ETFDH: variants seen among roughly 807,000 people sequenced by gnomAD.
The protein encoded by ETFDH is electron transfer flavoprotein dehydrogenase.
Under a neutral mutation model 73.2 loss-of-function variants are expected in ETFDH, and 61 were observed. The ratio of observed to expected loss-of-function variants is 0.83; its 90% CI spans 0.68 to 1.03. The LOEUF is 1.03. Among genes scored for constraint, ETFDH ranks in the 50% least tolerant of loss-of-function variants. ETFDH has a pLI of 0.00. For synonymous variants in ETFDH, 243 were observed against 253.3 expected (o/e 0.96, Z 0.39); for missense variants, 685 against 745.0 (o/e 0.92, Z 0.94).
intron 12 of ETFDH, among the ~76,000 whole-genome samples, chr4:158,707,187 A>G (rs1365811462): frequency 6.6e-6 from 1 of 152,228 alleles, no homozygotes; most frequent in Non-Finnish European, 1.5e-5. Context: ...ATGTACTAGA[A>G]CAGCACATTA....
rs76559855 is a variant in ETFDH, at chr4:158,707,142, C to A, written c.1690+292C>A. Among the ~76,000 whole-genome samples, 6,581 of 151,738 alleles carry A rather than the reference C, an allele frequency of 0.043. 175 individuals carry two copies. The highest frequency in any genetic ancestry group is 0.076 in the Middle Eastern group (22 of 288). On this transcript the variant is annotated intron_variant, in intron 12 of 12. Coordinates refer to ENST00000511912, the MANE Select transcript of ETFDH (RefSeq NM_004453.4). The stretch of plus-strand genomic sequence containing the variant: ...TTCATGTGACTATTTAAAGTCATTT[C>A]TGTCATGGCAGCTCATCTGTATGTA...
At chr4:158,682,097 A>G in intron 2 of ETFDH, 98 bp from the exon 3 acceptor site, 1 of 1,548,850 alleles carries the variant, frequency 6.5e-7, no homozygotes, top group South Asian at 1.1e-5. Flanking sequence ...AATTTCCATA[A>G]ATAATACTCT....
chr4:158,691,054 T>C (rs1270314338), intron 6 of ETFDH, among the ~76,000 whole-genome samples: 1 of 152,136 alleles, frequency 6.6e-6, no homozygotes, highest in Non-Finnish European at 1.5e-5. Context: ...TAAAAGATAA[T>C]AACATACAAA....
rs1373001793 is a variant in ETFDH at position 158,684,657 on chromosome 4, T to G, written c.471T>G (p.Pro157=). 1 of 1,562,128 alleles carries G rather than the reference T, an allele frequency of 6.4e-7. No homozygotes were observed. The highest frequency in any genetic ancestry group is 8.8e-7 in the Non-Finnish European group (1 of 1,132,674). Reference sequence around the variant, plus strand: ...TTTTAACAGAGAAATACAGAATTCCTGTGCCAATTCTTCCAGGTAAGGTAT... The same window carrying G: ...TTTTAACAGAGAAATACAGAATTCCGGTGCCAATTCTTCCAGGTAAGGTAT... ...FGILTEKYRI[P]VPILPGLPMN... is the part of the protein sequence containing the mutation. The change falls in exon 4 of 13, where the codon CCT becomes CCG. Residue 157 remains proline (P), a synonymous_variant. Transcript: ENST00000511912.
intron 1 of ETFDH, among the ~76,000 whole-genome samples, chr4:158,673,813 A>G (rs540097170): frequency 6.6e-6 from 1 of 152,282 alleles, no homozygotes; most frequent in South Asian, 2.1e-4. Context: ...ATTCATTGCC[A>G]TTTTCGTAGC....
rs1774714608 is a variant in ETFDH, at chr4:158,708,775, C to G, written c.*248C>G. The stretch of plus-strand genomic sequence containing the variant: ...TTCTTCAGAGATTCAGTACCAAGAG[C>G]AAAATTCACTACTGGACTTTACATT... On this transcript the variant is annotated 3_prime_UTR_variant, in exon 13 of 13. Transcript: ENST00000511912. 2.3e-6 allele frequency: 1 copy of G among 435,586 alleles called. No individual in the cohort carries two copies. Among genetic ancestry groups the G allele is most frequent in the South Asian group, 2.6e-5 (1 of 38,834 alleles). The allele number at this position is 435,586 out of a possible 1,614,324, so 27.0% of individuals were successfully genotyped here.
intron 1 of ETFDH, among the ~76,000 whole-genome samples, chr4:158,675,979 C>T (rs1773702068): frequency 6.6e-6 from 1 of 152,162 alleles, no homozygotes; most frequent in African/African-American, 2.4e-5. Flanking sequence ...TTTCCACATC[C>T]TTGCTAACTC....
At chr4:158,693,144 T>G (rs534770354) in intron 6 of ETFDH, among the ~76,000 whole-genome samples, 1 of 152,322 alleles carries the variant, frequency 6.6e-6, no homozygotes, top group Non-Finnish European at 1.5e-5. Flanking sequence ...CCCTGCGATT[T>G]CACTGAAACA....
chr4:158,704,951 C>T (rs1561250603), intron 10 of ETFDH, among the ~76,000 whole-genome samples: 2 of 152,156 alleles, frequency 1.3e-5, no homozygotes, highest in East Asian at 3.9e-4. Context: ...AAGTATCGTT[C>T]CTTGTTGGAC....
chr4:158,706,423 G>T (rs758189326), intron 11 of ETFDH, 52 bp downstream of exon 11: 1 of 1,400,036 alleles, frequency 7.1e-7, no homozygotes, highest in East Asian at 2.3e-5. Context: ...TCATGAATGG[G>T]ATCTGTTAAT....
chr4:158,679,413 AGATTAAC>A (rs1773788742), intron 1 of ETFDH: 1 of 152,174 alleles, frequency 6.6e-6, no homozygotes, highest in Non-Finnish European at 1.5e-5. Context: ...CCAGCTAGAA[AGATTAAC>A]CCCAGTGGAG....
At position 158,695,634 on chromosome 4, in the gene ETFDH, A is replaced by C. The variant is rs1467007223; in HGVS notation, c.822A>C (p.Gly274=). 6.2e-7 allele frequency: 1 copy of C among 1,608,374 alleles called. No homozygotes were observed. The part of the protein sequence containing the change: ...ANCEPQTYGI[G]LKELWVIDEK... ...GTGAACCTCAAACCTACGGGATTGGACTGAAGGAGGTATCCTGGTTTGTTT... is the reference window on the plus strand; with the variant it reads ...GTGAACCTCAAACCTACGGGATTGGCCTGAAGGAGGTATCCTGGTTTGTTT... The change falls in exon 7 of 13, where the codon GGA becomes GGC. Residue 274 remains glycine (G), a synonymous_variant. Transcript: ENST00000511912.
In ETFDH at chr4:158,695,459, T is replaced by A. The variant is rs558425493; in HGVS notation, c.685-38T>A. On this transcript the variant is annotated intron_variant, in intron 6 of 12. Transcript: ENST00000511912. ...ACCAGAATGTGAATGTATTTTAAAT[T>A]GTCAAATGTTGCCATTTAACATGTT... is the stretch of plus-strand genomic sequence containing the variant. 4.4e-6 allele frequency: 7 copies of A among 1,575,448 alleles called. No homozygotes were observed. In the African/African-American group the frequency reaches 8.1e-5, roughly 18 times the overall value.
rs781498366 is a variant in ETFDH, at chr4:158,708,436, A to G, written c.1763A>G (p.His588Arg). ...CAGATAAATGCTCAGAACTGTGTAC[A>G]TTGTAAAACATGTGATATTAAAGAT... ...RLQINAQNCV[H>R]CKTCDIKDPS... is the part of the protein sequence containing the mutation. The change falls in exon 13 of 13, where the codon CAT (histidine) becomes CGT (arginine). Residue 588 changes from histidine to arginine, a missense_variant. This residue lies in a region of ETFDH where 201 missense variants were observed against 225.2 expected (regional missense o/e 0.89). Transcript: ENST00000511912. 1 of 1,611,488 alleles carries G rather than the reference A, an allele frequency of 6.2e-7. No individual in the cohort carries two copies.
intron 2 of ETFDH, chr4:158,681,877 T>C (rs1773867583): frequency 2.7e-6 from 1 of 373,328 alleles, no homozygotes; most frequent in Admixed American, 4.1e-5. Flanking sequence ...TGCCTAACGA[T>C]GCATTTCTCA....
intron 1 of ETFDH, chr4:158,679,804 G>C (rs1394420094): frequency 1.3e-5 from 2 of 152,046 alleles, no homozygotes; most frequent in African/African-American, 4.8e-5. Context: ...AGGTGCAGTG[G>C]CTCACGCCTA....
At chr4:158,703,293 ATTCATT>A (rs1774513926) in intron 9 of ETFDH, 124 bp from the exon 10 acceptor site, 1 of 709,946 alleles carries the variant, frequency 1.4e-6, no homozygotes, top group Non-Finnish European at 2.5e-6. Context: ...CCTTTGCTCA[ATTCATT>A]TTCATGTATT....
At chr4:158,675,626 G>A (rs28771191) in intron 1 of ETFDH, among the ~76,000 whole-genome samples, 4,875 of 152,096 alleles carry the variant, frequency 0.032, 263 homozygotes, top group African/African-American at 0.11. Flanking sequence ...ACAATTATCC[G>A]GGCATGGTGG....
At chr4:158,677,888 T>A (rs1018147961) in intron 1 of ETFDH, among the ~76,000 whole-genome samples, 3 of 152,212 alleles carry the variant, frequency 2.0e-5, no homozygotes, top group African/African-American at 7.2e-5. Context: ...GGCCTTAGAA[T>A]TTTGTTTTTG....
Sources: gnomAD v4.1 joint callset for allele counts (sites outside exome capture counted in the v4.1 genomes callset) on GRCh38, gnomAD v4.1.1 for gene constraint, gnomAD v4.1.1 regional missense constraint, MANE v1.5 for transcripts, NCBI Gene and HGNC (gene_info 2026-07-23, HGNC 2026-07-21) for gene names.